Variants in PELI2 observed in about 807,000 individuals in gnomAD.
PELI2 encodes E3 ubiquitin-protein ligase pellino homolog 2.
In PELI2, 23 loss-of-function variants were observed where a neutral mutation model predicts 42.3. The observed-to-expected ratio is 0.54, with a 90% confidence interval of 0.39 to 0.77. The LOEUF is 0.77. PELI2 is among the 30% of genes least tolerant of loss of function. PELI2 has a pLI of 0.00. For synonymous variants in PELI2, 245 were observed against 212.2 expected (o/e 1.15, Z -1.34); for missense variants, 463 against 553.2 (o/e 0.84, Z 1.64).
In PELI2 at chr14:56,196,622, G is replaced by A. The variant is rs1043137019; in HGVS notation, c.207+18158G>A. Among the ~76,000 whole-genome samples the A allele has an allele frequency of 3.3e-5, 5 of 152,294 alleles. No individual in the cohort carries two copies. In the South Asian group the frequency reaches 6.2e-4, roughly 19 times the overall value. On this transcript the variant is annotated intron_variant, in intron 2 of 5. Coordinates refer to ENST00000267460, the MANE Select transcript of PELI2 (RefSeq NM_021255.3). ...TATACTGCCCATTTGAAAAATGGCCGATAGGATCATTTTAAAATCATAATC... is the reference window on the plus strand; with the variant it reads ...TATACTGCCCATTTGAAAAATGGCCAATAGGATCATTTTAAAATCATAATC...
In PELI2 at chr14:56,288,079, G is replaced by C. The variant is rs1889701333; in HGVS notation, c.310-358G>C. On this transcript the variant is annotated intron_variant, in intron 3 of 5. Coordinates refer to ENST00000267460, the MANE Select transcript of PELI2 (RefSeq NM_021255.3). The surrounding 1 kb of genome is among the most constrained non-coding windows in gnomAD (Gnocchi z 4.6). ...AATACTTAAAATCTAATGAACTAGTGAGTGGCATAAAGTGAGTTAAGCAAG... is the reference window on the plus strand; with the variant it reads ...AATACTTAAAATCTAATGAACTAGTCAGTGGCATAAAGTGAGTTAAGCAAG... Among the ~76,000 whole-genome samples, 1 of 152,166 alleles carries C rather than the reference G, an allele frequency of 6.6e-6. No homozygotes were observed. Among genetic ancestry groups the C allele is most frequent in the Admixed American group, 6.5e-5 (1 of 15,280 alleles).
chr14:56,220,817 A>G (rs561692115), intron 2 of PELI2, among the ~76,000 whole-genome samples: 1 of 152,190 alleles, frequency 6.6e-6, no homozygotes, highest in African/African-American at 2.4e-5. Flanking sequence ...ATGCCGCGAA[A>G]TGGTGCCAAC....
intron 2 of PELI2, among the ~76,000 whole-genome samples, chr14:56,255,488 G>T (rs1165525855): frequency 6.6e-6 from 1 of 152,110 alleles, no homozygotes; most frequent in Non-Finnish European, 1.5e-5. Context: ...GCCTGTCGGG[G>T]TGGGGGTCTA....
rs773362234 is a variant in PELI2, at chr14:56,290,349, G to T, written c.589G>T (p.Gly197Trp). Residue 197 changes from glycine (G) to tryptophan (W), a missense_variant, in exon 5 of 6, where the codon GGG (glycine) becomes TGG (tryptophan). Gly to Trp is a radical substitution (Grantham distance 184). Transcript: ENST00000267460. ...TGGCGTCCTGGTGATGCATCCACGAGGGGGCTTCACCGAGGAGTCCCAGCC... is the reference window on the plus strand; with the variant it reads ...TGGCGTCCTGGTGATGCATCCACGATGGGGCTTCACCGAGGAGTCCCAGCC... ...TNGVLVMHPR[G>W]GFTEESQPGV... The T allele has an allele frequency of 6.2e-7, 1 of 1,613,654 alleles. No homozygotes were observed. Among genetic ancestry groups the T allele is most frequent in the Admixed American group, 1.7e-5 (1 of 60,012 alleles).
intron 2 of PELI2, among the ~76,000 whole-genome samples, chr14:56,248,090 C>A (rs1979420): frequency 0.9 from 137,191 of 152,210 alleles, 62,095 homozygotes; most frequent in Middle Eastern, 0.93. Context: ...TTTTTTAGCA[C>A]GATCAGATTG....
chr14:56,197,462 T>C lies in PELI2; in HGVS notation c.207+18998T>C, dbSNP rs2139699374. On this transcript the variant is annotated intron_variant, in intron 2 of 5. Transcript: ENST00000267460. This position sits in a 1 kb window ranked among gnomAD's most constrained non-coding sequence, Gnocchi z 4.9. The stretch of plus-strand genomic sequence containing the variant: ...GGCCTTGGCTTTAATCTGGTTGCAA[T>C]AGGAAGCTGTTGGGTGTTTGGGGAG... Among the ~76,000 whole-genome samples the C allele has an allele frequency of 6.6e-6, 1 of 152,160 alleles. No individual in the cohort carries two copies. The highest frequency in any genetic ancestry group is 1.9e-4 in the East Asian group (1 of 5,154).
chr14:56,155,826 G>GC (rs1188826568), intron 1 of PELI2, among the ~76,000 whole-genome samples: 5 of 151,654 alleles, frequency 3.3e-5, no homozygotes, highest in African/African-American at 9.7e-5. Flanking sequence ...CTCGTGATCC[G>GC]CCCCCCCTCA....
Position 56,296,926 on chromosome 14 carries a change from G to C in PELI2, c.1023G>C (p.Val341=). The stretch of plus-strand genomic sequence containing the variant: ...GGGAGTGTCCCATGTGCAGGACTGT[G>C]GGCCCCTATGTGCCTCTCTGGCTTG... ...NERECPMCRT[V]GPYVPLWLGC... The change falls in exon 6 of 6, where the codon GTG becomes GTC. Residue 341 remains valine, a synonymous_variant. Coordinates refer to ENST00000267460, the MANE Select transcript of PELI2 (RefSeq NM_021255.3). 1 of 1,614,150 alleles carries C rather than the reference G, an allele frequency of 6.2e-7. No homozygotes were observed. The highest frequency in any genetic ancestry group is 8.5e-7 in the Non-Finnish European group (1 of 1,180,016).
chr14:56,180,363 A>T lies in PELI2; in HGVS notation c.207+1899A>T, dbSNP rs1885535560. Among the ~76,000 whole-genome samples, 3 of 152,226 alleles carry T rather than the reference A, an allele frequency of 2.0e-5. No individual in the cohort carries two copies. In the South Asian group the frequency reaches 6.2e-4, roughly 31 times the overall value. On this transcript the variant is annotated intron_variant, in intron 2 of 5. Coordinates refer to ENST00000267460, the MANE Select transcript of PELI2 (RefSeq NM_021255.3). This position sits in a 1 kb window ranked among gnomAD's most constrained non-coding sequence, Gnocchi z 4.4. Reference sequence around the variant, plus strand: ...ACAGACAAAAGTAAGATAAATTATTATAGGCTAGCCCTCAGAATCAGAGAA... The same window carrying T: ...ACAGACAAAAGTAAGATAAATTATTTTAGGCTAGCCCTCAGAATCAGAGAA...
chr14:56,235,653 A>G (rs940145451), intron 2 of PELI2, among the ~76,000 whole-genome samples: 2 of 152,264 alleles, frequency 1.3e-5, no homozygotes, highest in African/African-American at 4.8e-5. Flanking sequence ...GGTACAAGCA[A>G]TACTTGTTTG....
chr14:56,224,741 T>G (rs1297852994), intron 2 of PELI2, among the ~76,000 whole-genome samples: 1 of 152,358 alleles, frequency 6.6e-6, no homozygotes, highest in East Asian at 1.9e-4. Context: ...GCTACATTTT[T>G]GCAGGGCTTG....
intron 3 of PELI2, among the ~76,000 whole-genome samples, chr14:56,283,571 A>C (rs1195001312): frequency 6.6e-6 from 1 of 152,190 alleles, no homozygotes; most frequent in Non-Finnish European, 1.5e-5. Flanking sequence ...GGGTTCATCA[A>C]CCACATGCTG....
intron 2 of PELI2, among the ~76,000 whole-genome samples, chr14:56,187,274 A>G (rs1360953905): frequency 6.6e-6 from 1 of 152,230 alleles, no homozygotes; most frequent in Non-Finnish European, 1.5e-5. Flanking sequence ...CTGCAACCCT[A>G]AAATAAGTGA....
intron 2 of PELI2, among the ~76,000 whole-genome samples, chr14:56,214,000 C>T (rs1359125738): frequency 2.0e-5 from 3 of 151,998 alleles, no homozygotes; most frequent in African/African-American, 2.4e-5. Context: ...TACAGGCATG[C>T]GACACTATGC....
rs964633117 is a variant in PELI2 at position 56,273,303 on chromosome 14, C to A, written c.208-6373C>A. 1.3e-5 allele frequency among the ~76,000 whole-genome samples: 2 copies of A among 152,160 alleles called. No individual in the cohort carries two copies. Among genetic ancestry groups the A allele is most frequent in the Non-Finnish European group, 2.9e-5 (2 of 68,030 alleles). ...CAGGCTTCTTGCCCACAGCTGGGAACCCCCAGAGCGGCAAATGGAAGCTGC... is the reference window on the plus strand; with the variant it reads ...CAGGCTTCTTGCCCACAGCTGGGAAACCCCAGAGCGGCAAATGGAAGCTGC... On this transcript the variant is annotated intron_variant, in intron 2 of 5. Transcript: ENST00000267460. This position sits in a 1 kb window ranked among gnomAD's most constrained non-coding sequence, Gnocchi z 4.3.
In PELI2 at chr14:56,296,979, C is replaced by T; in HGVS notation, c.1076C>T (p.Ala359Val). 6.2e-7 allele frequency: 1 copy of T among 1,614,126 alleles called. No individual in the cohort carries two copies. The highest frequency in any genetic ancestry group is 8.5e-7 in the Non-Finnish European group (1 of 1,180,026). The change falls in exon 6 of 6, where the codon GCA (alanine) becomes GTA (valine). Residue 359 changes from alanine (A) to valine (V), a missense_variant. By Grantham distance (64) the Ala-to-Val change is moderately conservative (BLOSUM62 0). This residue lies in a region of PELI2 where 103 missense variants were observed against 129.6 expected (regional missense o/e 0.80). Transcript: ENST00000267460. Reference protein sequence around the residue: ...LGCEAGFYVDAGPPTHAFTPC... With the variant: ...LGCEAGFYVDVGPPTHAFTPC... ...TGTGAGGCAGGATTTTATGTAGACG[C>T]AGGACCGCCAACTCATGCTTTCACT...
Position 56,118,437 on chromosome 14 carries a change from G to A in PELI2, c.-224G>A, listed in dbSNP as rs1468963133. 2.3e-5 allele frequency: 7 copies of A among 299,556 alleles called. No homozygotes were observed. The East Asian group carries it at 3.9e-4, about 16-fold the overall frequency. 18.6% of individuals were successfully genotyped at this position (299,556 alleles called of 1,614,324 possible). The stretch of plus-strand genomic sequence containing the variant: ...CCATTTGTTGCCGGCTCTGACTCGG[G>A]GCGGCCGCGGCGCGCGGAGCTCCGG... On this transcript the variant is annotated 5_prime_UTR_variant, in exon 1 of 6. Coordinates refer to ENST00000267460, the MANE Select transcript of PELI2 (RefSeq NM_021255.3).
intron 1 of PELI2, among the ~76,000 whole-genome samples, chr14:56,132,715 C>CT (rs1398613891): frequency 6.6e-6 from 1 of 152,202 alleles, no homozygotes; most frequent in Non-Finnish European, 1.5e-5. Context: ...GTTTAAGTGA[C>CT]TGTTTCTCTG....
In PELI2 at chr14:56,279,752, A is replaced by G. The variant is rs1295547846; in HGVS notation, c.284A>G (p.His95Arg). The change falls in exon 3 of 6, where the codon CAT becomes CGT. Residue 95 changes from histidine (H) to arginine (R), a missense_variant. By Grantham distance (29) the His-to-Arg change is conservative. Transcript: ENST00000267460. ...RNQTVVVEYT[H>R]DKDTDMFQVG... Reference sequence around the variant, plus strand: ...CAGACTGTGGTGGTGGAGTACACACATGATAAGGATACGGATATGTTTCAG... The same window carrying G: ...CAGACTGTGGTGGTGGAGTACACACGTGATAAGGATACGGATATGTTTCAG... 17 of 1,585,382 alleles carry G rather than the reference A, an allele frequency of 1.1e-5. No homozygotes were observed. Among genetic ancestry groups the G allele is most frequent in the South Asian group, 2.2e-5 (2 of 90,290 alleles).
Sources: gnomAD v4.1 joint callset for allele counts (sites outside exome capture counted in the v4.1 genomes callset) on GRCh38, gnomAD v4.1.1 for gene constraint, gnomAD v4.1.1 regional missense constraint, Gnocchi (gnomAD v3.1) non-coding constraint, MANE v1.5 for transcripts, NCBI Gene and HGNC (gene_info 2026-07-23, HGNC 2026-07-21) for gene names.